The following ANKRD30B variants were observed in gnomAD, a reference collection of about 807,000 sequenced individuals.
ANKRD30B encodes ankyrin repeat domain 30B.
Under a neutral mutation model 202.2 loss-of-function variants are expected in ANKRD30B, and 144 were observed. The ratio of observed to expected loss-of-function variants is 0.71; its 90% CI spans 0.62 to 0.82. ANKRD30B has a LOEUF of 0.82. ANKRD30B is among the 40% of genes least tolerant of loss of function. ANKRD30B has a pLI of 0.00. For missense variants in ANKRD30B, 1,487 were observed against 1,669.1 expected (o/e 0.89, Z 1.90); for synonymous variants, 508 against 561.3 (o/e 0.91, Z 1.34).
At chr18:14,865,538 T>A in the ANKRD30B span, among the ~76,000 whole-genome samples, 1 of 150,912 alleles carries the variant, frequency 6.6e-6, no homozygotes, top group Non-Finnish European at 1.5e-5. Flanking sequence ...ACCCAAAAAC[T>A]TTTTCACTAC....
intron 37 of ANKRD30B, among the ~76,000 whole-genome samples, chr18:14,841,189 A>G (rs995265953): frequency 6.6e-6 from 1 of 152,234 alleles, no homozygotes; most frequent in Non-Finnish European, 1.5e-5. Context: ...TTTTATCTGC[A>G]GTATGTGAAT....
intron 36 of ANKRD30B, among the ~76,000 whole-genome samples, chr18:14,839,323 T>G (rs1171496155): frequency 6.6e-6 from 1 of 152,198 alleles, no homozygotes; most frequent in East Asian, 1.9e-4. Context: ...AGAGTAGATC[T>G]TTCTGCAACT....
At chr18:14,937,638 C>T in the ANKRD30B span, among the ~76,000 whole-genome samples, 2 of 151,816 alleles carry the variant, frequency 1.3e-5, no homozygotes, top group Admixed American at 6.6e-5. Context: ...AATAAAACCC[C>T]TAATTAAGGA....
chr18:14,760,263 G>A (rs1172587294), intron 5 of ANKRD30B, among the ~76,000 whole-genome samples: 1 of 152,146 alleles, frequency 6.6e-6, no homozygotes, highest in Non-Finnish European at 1.5e-5. Flanking sequence ...TGGTAACTGC[G>A]CTAGGACTTT....
Position 14,748,627 on chromosome 18 carries a change from G to C in ANKRD30B, c.208G>C (p.Asp70His). 2 of 1,563,628 alleles carry C rather than the reference G, an allele frequency of 1.3e-6. No homozygotes were observed. The highest frequency in any genetic ancestry group is 1.7e-6 in the Non-Finnish European group (2 of 1,154,312). Residue 70 changes from aspartate (D) to histidine (H), a missense_variant, in exon 1 of 44, where the codon GAT becomes CAT. By Grantham distance (81) the Asp-to-His change is moderately conservative. Around this residue, in one of 6 missense-constraint regions of ANKRD30B, gnomAD observed 889 missense variants for 841.4 expected, o/e 1.06. Transcript: ENST00000690538. The part of the protein sequence containing the change: ...GKKPVNLNKR[D>H]MKKRTALHWA... ...GAAGCCCGTCAACCTGAACAAAAGA[G>C]ATATGAAGAAGAGGTACCAGGCCCT...
chr18:14,783,622 T>C (rs1967890713), intron 12 of ANKRD30B, among the ~76,000 whole-genome samples: 1 of 152,124 alleles, frequency 6.6e-6, no homozygotes, highest in Non-Finnish European at 1.5e-5. Context: ...AAAATAAATA[T>C]TGTGGTGACT....
At chr18:14,771,959 AC>A (rs747328601) in intron 8 of ANKRD30B, among the ~76,000 whole-genome samples, 196 bp from the exon 9 acceptor site, 3 of 152,172 alleles carry the variant, frequency 2.0e-5, no homozygotes, top group African/African-American at 4.8e-5. Context: ...AAAATAGGTA[AC>A]TAAAATCATT....
At chr18:14,873,400 C>CTGT in the ANKRD30B span, among the ~76,000 whole-genome samples, 12 of 151,650 alleles carry the variant, frequency 7.9e-5, no homozygotes, top group African/African-American at 2.9e-4. Context: ...TGGCAGGCAC[C>CTGT]TGTAATCCCA....
In ANKRD30B at chr18:14,754,888, C is replaced by T. The variant is rs1380400693; in HGVS notation, c.511-11C>T. On this transcript the variant is annotated splice_polypyrimidine_tract_variant and intron_variant, in intron 3 of 43. Transcript: ENST00000690538. Reference sequence around the variant, plus strand: ...ATTTCATGAATTATATATTGTTCTGCTATTTTACAGGCTAGCCTCACACCC... The same window carrying T: ...ATTTCATGAATTATATATTGTTCTGTTATTTTACAGGCTAGCCTCACACCC... The T allele has an allele frequency of 6.7e-7, 1 of 1,497,638 alleles. No individual in the cohort carries two copies. The highest frequency in any genetic ancestry group is 8.9e-7 in the Non-Finnish European group (1 of 1,122,496). 92.8% of individuals were successfully genotyped at this position (1,497,638 alleles called of 1,614,324 possible). A position where few individuals can be genotyped will look rare whatever the true frequency, so the allele number is the denominator to read the frequency against.
intron 32 of ANKRD30B, among the ~76,000 whole-genome samples, chr18:14,827,256 G>A (rs1670034105): frequency 6.6e-6 from 1 of 152,112 alleles, no homozygotes; most frequent in African/African-American, 2.4e-5. Flanking sequence ...TGGATGAGAT[G>A]GAACAGGATG....
At chr18:14,912,737 C>G in the ANKRD30B span, among the ~76,000 whole-genome samples, 5 of 152,214 alleles carry the variant, frequency 3.3e-5, no homozygotes, top group Non-Finnish European at 4.4e-5. Flanking sequence ...GTGAGCCCAT[C>G]TGGCCCTGGG....
intron 20 of ANKRD30B, among the ~76,000 whole-genome samples, chr18:14,798,682 G>A (rs911552675): frequency 2.0e-5 from 3 of 152,088 alleles, no homozygotes; most frequent in African/African-American, 4.8e-5. Flanking sequence ...CTCCACAAGG[G>A]TAGCATTCCA....
chr18:14,855,620 A>C (rs1178072108), downstream of ANKRD30B, among the ~76,000 whole-genome samples: 12 of 135,610 alleles, frequency 8.8e-5, no homozygotes, highest in East Asian at 4.7e-4. Context: ...CTCCTCACCT[A>C]CCAGATGAAG....
At chr18:14,871,215 C>G in the ANKRD30B span, among the ~76,000 whole-genome samples, 1 of 100,604 alleles carries the variant, frequency 9.9e-6, no homozygotes, top group Non-Finnish European at 2.0e-5. Context: ...TCCTGCTGCA[C>G]CCCCACCCCA....
At chr18:14,873,220 C>A in the ANKRD30B span, among the ~76,000 whole-genome samples, 2 of 152,038 alleles carry the variant, frequency 1.3e-5, no homozygotes, top group Non-Finnish European at 2.9e-5. Context: ...ATATGTATAT[C>A]TTTATAATTA....
At position 14,797,706 on chromosome 18, in the gene ANKRD30B, C is replaced by A; in HGVS notation, c.1956+17C>A. 1 of 1,608,988 alleles carries A rather than the reference C, an allele frequency of 6.2e-7. No individual in the cohort carries two copies. Among genetic ancestry groups the A allele is most frequent in the Non-Finnish European group, 8.5e-7 (1 of 1,175,938 alleles). ...CTTCTGAAGGTAATAGCTTTTATGT[C>A]TCTATCTTGAATATTAACTACATAT... On this transcript the variant is annotated intron_variant, in intron 19 of 43. Transcript: ENST00000690538.
At chr18:14,757,034 A>G (rs911341479) in intron 4 of ANKRD30B, among the ~76,000 whole-genome samples, 1 of 152,212 alleles carries the variant, frequency 6.6e-6, no homozygotes, top group Non-Finnish European at 1.5e-5. Context: ...ATTAATTGCT[A>G]TCACCAGATA....
intron 33 of ANKRD30B, among the ~76,000 whole-genome samples, chr18:14,829,089 C>T (rs1970792461): frequency 6.6e-6 from 1 of 151,848 alleles, no homozygotes; most frequent in African/African-American, 2.4e-5. Flanking sequence ...ATAATCTTTT[C>T]CTGATTACTT....
intron 34 of ANKRD30B, among the ~76,000 whole-genome samples, chr18:14,833,468 C>T (rs1343732202): frequency 6.6e-6 from 1 of 152,142 alleles, no homozygotes; most frequent in Non-Finnish European, 1.5e-5. Context: ...CAGGACGAAA[C>T]TCATGTTCTA....
Sources: gnomAD v4.1 joint callset for allele counts (sites outside exome capture counted in the v4.1 genomes callset) on GRCh38, gnomAD v4.1.1 for gene constraint, gnomAD v4.1.1 regional missense constraint, MANE v1.5 for transcripts, NCBI Gene and HGNC (gene_info 2026-07-23, HGNC 2026-07-21) for gene names.